Variants in SLC30A8 observed in about 807,000 individuals in gnomAD.
SLC30A8 encodes the protein solute carrier family 30 member 8, also known as proton-coupled zinc antiporter SLC30A8.
In SLC30A8, 27 loss-of-function variants were observed where a neutral mutation model predicts 36.9. The ratio of observed to expected loss-of-function variants is 0.73; its 90% CI spans 0.54 to 1.01. SLC30A8 has a LOEUF of 1.01. Among genes scored for constraint, SLC30A8 ranks in the 50% least tolerant of loss-of-function variants. The probability of loss-of-function intolerance (pLI) is 0.00; values close to 1 mark genes in which losing one functional copy is unlikely to be tolerated. For missense variants in SLC30A8, 439 were observed against 452.0 expected, an observed-to-expected ratio of 0.97 and a Z score of 0.26; for synonymous variants, 164 against 172.4, an observed-to-expected ratio of 0.95 and a Z score of 0.38.
chr8:117,103,157 G>T (rs1013502868), intron 2 of SLC30A8, among the ~76,000 whole-genome samples: 10 of 151,998 alleles, frequency 6.6e-5, no homozygotes, highest in Non-Finnish European at 1.5e-4. Context: ...CTCTCTATTA[G>T]TGCACCTGCC....
intron 1 of SLC30A8, among the ~76,000 whole-genome samples, chr8:116,957,038 G>T (rs1412316205): frequency 6.6e-6 from 1 of 152,116 alleles, no homozygotes; most frequent in African/African-American, 2.4e-5. Flanking sequence ...AAATACTACA[G>T]ATTATCATCT....
At chr8:116,966,300 G>A (rs1180768748) in intron 1 of SLC30A8, among the ~76,000 whole-genome samples, 2 of 152,162 alleles carry the variant, frequency 1.3e-5, no homozygotes, top group African/African-American at 2.4e-5. Flanking sequence ...CAGTGGATCA[G>A]TGTGGGTTCT....
chr8:117,031,636 G>A (rs1323314373), intron 1 of SLC30A8, among the ~76,000 whole-genome samples: 2 of 151,806 alleles, frequency 1.3e-5, no homozygotes, highest in Non-Finnish European at 2.9e-5. Context: ...CATTTATTTT[G>A]TATTTTTAGT....
intron 7 of SLC30A8, 96 bp from the exon 8 acceptor site, chr8:117,172,440 C>T (rs1046090372): frequency 5.8e-6 from 9 of 1,546,612 alleles, no homozygotes; most frequent in Middle Eastern, 2.1e-4. Flanking sequence ...TGCCCCACCC[C>T]AGCAGGTCAA....
rs1324525828 is a variant in SLC30A8 at position 117,172,808 on chromosome 8, A to T, written c.*127A>T. 9.1e-7 allele frequency: 1 copy of T among 1,096,654 alleles called. No homozygotes were observed. Among genetic ancestry groups the T allele is most frequent in the Admixed American group, 2.2e-5 (1 of 44,712 alleles). 67.9% of individuals were successfully genotyped at this position (1,096,654 alleles called of 1,614,324 possible). A position where few individuals can be genotyped will look rare whatever the true frequency, so the allele number is the denominator to read the frequency against. On this transcript the variant is annotated 3_prime_UTR_variant, in exon 8 of 8. Transcript: ENST00000456015. ...CATGTCATGGTGCAATGCACATTTTATCTATTTATTTAGTTCCATTCACCA... is the reference window on the plus strand; with the variant it reads ...CATGTCATGGTGCAATGCACATTTTTTCTATTTATTTAGTTCCATTCACCA...
chr8:117,044,437 C>T (rs1399352225), intron 2 of SLC30A8, among the ~76,000 whole-genome samples: 3 of 152,100 alleles, frequency 2.0e-5, no homozygotes, highest in Non-Finnish European at 4.4e-5. Context: ...CCTTTTTAGA[C>T]GCGCCCACCA....
chr8:117,167,504 T>TATATATATATATATATATATATATATAC (rs1491223080), intron 6 of SLC30A8, among the ~76,000 whole-genome samples: 15 of 142,240 alleles, frequency 1.1e-4, no homozygotes, highest in South Asian at 2.3e-4. Context: ...CATACATACA[T>TATATATATATATATATATATATATATAC]GTATATGTAT....
At chr8:117,172,169 A>G (rs1823417048) in intron 7 of SLC30A8, among the ~76,000 whole-genome samples, 2 of 152,088 alleles carry the variant, frequency 1.3e-5, no homozygotes, top group Non-Finnish European at 2.9e-5. Context: ...CTGATTACAT[A>G]CAAAGCCTGC....
chr8:116,970,098 C>G (rs1345542228), intron 1 of SLC30A8, among the ~76,000 whole-genome samples: 1 of 151,904 alleles, frequency 6.6e-6, no homozygotes, highest in Non-Finnish European at 1.5e-5. Flanking sequence ...AAAATATTTT[C>G]TTTATATTCT....
At chr8:116,974,084 C>A (rs531348186) in intron 1 of SLC30A8, among the ~76,000 whole-genome samples, 3 of 152,278 alleles carry the variant, frequency 2.0e-5, no homozygotes, top group African/African-American at 7.2e-5. Context: ...ACCATAAAAA[C>A]CCTAGAAGAA....
intron 1 of SLC30A8, among the ~76,000 whole-genome samples, chr8:117,037,270 A>G (rs992283402): frequency 4.6e-5 from 7 of 152,210 alleles, no homozygotes; most frequent in African/African-American, 1.7e-4. Flanking sequence ...TCCTAGATCT[A>G]CATTCTCCTT....
chr8:117,051,827 TA>T (rs915280360), intron 2 of SLC30A8, among the ~76,000 whole-genome samples: 276 of 149,666 alleles, frequency 1.8e-3, no homozygotes, highest in Non-Finnish European at 3.1e-3. Context: ...TAAAAAAAAA[TA>T]AAAAAAATAA....
At position 117,163,411 on chromosome 8, in the gene SLC30A8, G is replaced by GC. The variant is rs1563637243; in HGVS notation, c.724-14_724-13insC. 1 of 1,539,522 alleles carries GC rather than the reference G, an allele frequency of 6.5e-7. No homozygotes were observed. Among genetic ancestry groups the GC allele is most frequent in the Admixed American group, 1.8e-5 (1 of 56,616 alleles). On this transcript the variant is annotated splice_polypyrimidine_tract_variant and intron_variant, in intron 5 of 7. Transcript: ENST00000456015. ...ATGAATTCAGTTAACCAAAATCCCTGTTTTTTTTTCTAGCCAGAGTATAAA... is the reference window on the plus strand; with the variant it reads ...ATGAATTCAGTTAACCAAAATCCCTGCTTTTTTTTTCTAGCCAGAGTATAAA...
At chr8:117,092,687 G>T (rs1819183993) in intron 2 of SLC30A8, among the ~76,000 whole-genome samples, 1 of 152,170 alleles carries the variant, frequency 6.6e-6, no homozygotes, top group African/African-American at 2.4e-5. Flanking sequence ...ACAGAGCTGG[G>T]GAGGCACAGG....
chr8:117,152,541 C>G (rs958506212), intron 2 of SLC30A8, among the ~76,000 whole-genome samples: 1 of 152,156 alleles, frequency 6.6e-6, no homozygotes, highest in East Asian at 1.9e-4. Context: ...TGGGCCAGAT[C>G]GCAACATCTA....
At position 117,031,805 on chromosome 8, in the gene SLC30A8, C is replaced by T. The variant is rs113058964; in HGVS notation, c.-265-7414C>T. Among the ~76,000 whole-genome samples the T allele has an allele frequency of 2.4e-3, 363 of 152,174 alleles. 2 individuals are homozygous for T. The highest frequency in any genetic ancestry group is 8.5e-3 in the African/African-American group (353 of 41,518). ...TGCCCCCAGAAGTAAGTCACACATT[C>T]CTGCACGTGCTTGATGCCAATGCTA... On this transcript the variant is annotated intron_variant, in intron 1 of 10. Coordinates refer to the SLC30A8 transcript ENST00000427715.
At chr8:116,967,830 G>T (rs1427814937) in intron 1 of SLC30A8, among the ~76,000 whole-genome samples, 2 of 152,126 alleles carry the variant, frequency 1.3e-5, no homozygotes, top group Non-Finnish European at 2.9e-5. Flanking sequence ...TTGGTTGAAG[G>T]TTGGAGATTC....
chr8:117,055,759 T>A (rs1465562049), intron 2 of SLC30A8: 1 of 152,232 alleles, frequency 6.6e-6, no homozygotes, highest in Non-Finnish European at 1.5e-5. Context: ...CACGTGTATG[T>A]CCTTCAGTAA....
intron 2 of SLC30A8, among the ~76,000 whole-genome samples, chr8:117,150,343 AC>A (rs1183796038): frequency 1.3e-5 from 2 of 152,108 alleles, no homozygotes; most frequent in Non-Finnish European, 2.9e-5. Context: ...CTCCATGGAA[AC>A]CCGCATGGGG....
Sources: allele counts gnomAD v4.1 joint callset (sites outside exome capture counted in the v4.1 genomes callset), GRCh38; gene constraint gnomAD v4.1.1; transcripts MANE v1.5; gene names NCBI Gene and HGNC (gene_info 2026-07-23, HGNC 2026-07-21).